NGEF: variants seen among roughly 807,000 people sequenced by gnomAD.
NGEF encodes ephexin-1.
A neutral mutation model predicts 80.9 loss-of-function variants in NGEF; 31 were observed. The observed-to-expected ratio is 0.38, with a 90% CI of 0.29 to 0.52. The LOEUF (loss-of-function observed/expected upper bound fraction) is 0.52, where lower values mean the gene tolerates loss of function less well. NGEF is among the 20% of genes least tolerant of loss of function. The pLI, the probability that NGEF is intolerant of heterozygous loss-of-function variation, is 0.84. For missense variants in NGEF, 709 were observed against 926.2 expected (o/e 0.77, Z 3.04); for synonymous variants, 371 against 370.2 (o/e 1.00, Z -0.03).
chr2:232,955,275 A>G (rs898747283), intron 3 of NGEF, among the ~76,000 whole-genome samples: 5 of 152,178 alleles, frequency 3.3e-5, no homozygotes, highest in African/African-American at 1.2e-4. Context: ...CAAATACTTC[A>G]GTGTGTATTT....
chr2:233,008,272 A>G (rs537214627), intron 1 of NGEF, among the ~76,000 whole-genome samples: 11 of 152,148 alleles, frequency 7.2e-5, no homozygotes, highest in African/African-American at 1.2e-4. Context: ...GTATGGAGGC[A>G]GTTGTGGGGG....
At chr2:232,993,592 C>A (rs987785365) in intron 1 of NGEF, among the ~76,000 whole-genome samples, 2 of 152,114 alleles carry the variant, frequency 1.3e-5, no homozygotes, top group African/African-American at 4.8e-5. Context: ...GACATGAAAA[C>A]ATACATCCAC....
intron 12 of NGEF, 21 bp downstream of exon 12, chr2:232,883,290 G>A (rs528022398): frequency 5.3e-5 from 83 of 1,572,220 alleles, no homozygotes; most frequent in East Asian, 2.7e-4. Flanking sequence ...AGCACTGGGC[G>A]TGTGGCGGCG....
chr2:232,905,873 C>G (rs188385754), intron 5 of NGEF: 1 of 204,244 alleles, frequency 4.9e-6, no homozygotes, highest in Non-Finnish European at 1.0e-5. Context: ...GTCCGGCAGC[C>G]GCCCCGTCCG....
chr2:232,957,791 T>A (rs1267041288), intron 3 of NGEF, among the ~76,000 whole-genome samples: 3 of 152,168 alleles, frequency 2.0e-5, no homozygotes, highest in Admixed American at 1.3e-4. Flanking sequence ...TGTGTCCTCC[T>A]CCAGTGTCAC....
chr2:232,992,496 TAC>T (rs1426644592), intron 1 of NGEF, among the ~76,000 whole-genome samples: 1 of 151,990 alleles, frequency 6.6e-6, no homozygotes, highest in Non-Finnish European at 1.5e-5. Context: ...AGACAGAGGT[TAC>T]AGTGACCTGA....
At chr2:232,992,105 G>A (rs896848446) in intron 1 of NGEF, among the ~76,000 whole-genome samples, 5 of 152,074 alleles carry the variant, frequency 3.3e-5, no homozygotes, top group Non-Finnish European at 5.9e-5. Context: ...TAGTTGTAAG[G>A]GGTAAAACCA....
intron 3 of NGEF, among the ~76,000 whole-genome samples, chr2:232,964,992 A>G (rs1249251466): frequency 1.3e-5 from 2 of 152,256 alleles, no homozygotes; most frequent in African/African-American, 4.8e-5. Context: ...AAATTCATCA[A>G]GCTACAGACC....
intron 1 of NGEF, among the ~76,000 whole-genome samples, chr2:232,985,973 C>T (rs948748524): frequency 2.0e-5 from 3 of 151,496 alleles, no homozygotes; most frequent in African/African-American, 7.3e-5. Context: ...AAAAAGAATT[C>T]AGTTTATGGC....
intron 1 of NGEF, among the ~76,000 whole-genome samples, chr2:232,982,467 C>T (rs1275436167): frequency 2.0e-4 from 30 of 152,152 alleles, no homozygotes; most frequent in Admixed American, 2.0e-3. Flanking sequence ...CTTCCTGGTC[C>T]TTGAATTGGT....
intron 8 of NGEF, chr2:232,890,998 C>A (rs1396449853): frequency 2.1e-6 from 1 of 482,144 alleles, no homozygotes; most frequent in South Asian, 1.5e-5. Context: ...CCTCTACCTG[C>A]CCCCACCAGC....
At chr2:233,000,286 T>C (rs1694942646) in intron 1 of NGEF, among the ~76,000 whole-genome samples, 1 of 152,172 alleles carries the variant, frequency 6.6e-6, no homozygotes, top group Admixed American at 6.5e-5. Flanking sequence ...TTTGTAGAGA[T>C]GGGGTTTTGC....
At chr2:232,954,731 A>AC (rs1693760792) in intron 3 of NGEF, among the ~76,000 whole-genome samples, 1 of 93,970 alleles carries the variant, frequency 1.1e-5, no homozygotes, top group Admixed American at 1.0e-4. Context: ...TCTCAAAAGA[A>AC]AAAAAAAAAA....
chr2:232,984,184 G>A (rs962535544), intron 1 of NGEF, among the ~76,000 whole-genome samples: 3 of 151,954 alleles, frequency 2.0e-5, no homozygotes, highest in Non-Finnish European at 2.9e-5. Flanking sequence ...TCCTAGACTC[G>A]AGCAATCCTC....
In NGEF at chr2:232,995,550, C is replaced by CTGTATATA. The variant is rs1553560058; in HGVS notation, c.-75+17517_-75+17518insTATATACA. ...TATGTATACATATACAGTATGTATACTATATACAGTATGTATACTGTATAT... is the reference window on the plus strand; with the variant it reads ...TATGTATACATATACAGTATGTATACTGTATATATATATACAGTATGTATACTGTATAT... On this transcript the variant is annotated intron_variant, in intron 1 of 14. Transcript: ENST00000264051. 3.5e-4 allele frequency among the ~76,000 whole-genome samples: 3 copies of CTGTATATA among 8,492 alleles called. 1 individual carries two copies. Among genetic ancestry groups the CTGTATATA allele is most frequent in the Non-Finnish European group, 5.4e-4 (3 of 5,558 alleles). The allele number at this position is 8,492 out of a possible 152,430, so 5.6% of individuals were successfully genotyped here.
At chr2:233,012,203 C>T (rs1695223057) in intron 1 of NGEF, among the ~76,000 whole-genome samples, 5 of 152,226 alleles carry the variant, frequency 3.3e-5, no homozygotes, top group Admixed American at 3.3e-4. Flanking sequence ...CAGAAATACA[C>T]TGATAGTCAA....
chr2:232,882,056 G>T, intron 13 of NGEF, 130 bp downstream of exon 13: 1 of 746,342 alleles, frequency 1.3e-6, no homozygotes, highest in Non-Finnish European at 2.2e-6. Context: ...GCCCCTGGAG[G>T]CCCGTGCAGG....
At chr2:233,008,352 G>C (rs112164097) in intron 1 of NGEF, among the ~76,000 whole-genome samples, 1 of 152,158 alleles carries the variant, frequency 6.6e-6, no homozygotes, top group Non-Finnish European at 1.5e-5. Flanking sequence ...TGGGCCCAGA[G>C]AGCAATTGCA....
At chr2:232,997,857 G>C (rs558969695) in intron 1 of NGEF, among the ~76,000 whole-genome samples, 1 of 152,142 alleles carries the variant, frequency 6.6e-6, no homozygotes, top group Non-Finnish European at 1.5e-5. Flanking sequence ...AATAGCCCAC[G>C]CCTCTGCCTG....
Sources: allele counts gnomAD v4.1 joint callset (sites outside exome capture counted in the v4.1 genomes callset), GRCh38; gene constraint gnomAD v4.1.1; transcripts MANE v1.5; gene names NCBI Gene and HGNC (gene_info 2026-07-23, HGNC 2026-07-21).